The following DHRS7B variants were observed in gnomAD, a reference collection of about 807,000 sequenced individuals.
DHRS7B encodes peroxisomal reductase activating PPAR-gamma.
DHRS7B carries 24 observed loss-of-function variants against 26.4 expected under a neutral mutation model. That is an observed-to-expected ratio of 0.91 (90% CI 0.66 to 1.28). DHRS7B has a LOEUF of 1.28. Among genes scored for constraint, DHRS7B ranks in the 50% most tolerant of loss-of-function variants. The pLI, the probability that DHRS7B is intolerant of heterozygous loss-of-function variation, is 0.00. For missense variants in DHRS7B, 368 were observed against 419.4 expected, an observed-to-expected ratio of 0.88 and a Z score of 1.07; for synonymous variants, 142 against 166.4, an observed-to-expected ratio of 0.85 and a Z score of 1.13.
intron 2 of DHRS7B, among the ~76,000 whole-genome samples, chr17:21,177,265 G>A (rs943237031): frequency 1.3e-5 from 2 of 152,204 alleles, no homozygotes; most frequent in African/African-American, 4.8e-5. Flanking sequence ...GAGCACCCGG[G>A]CAGCCAGCAC....
chr17:21,158,040 A>G (rs1411600505), intron 1 of DHRS7B, among the ~76,000 whole-genome samples: 4 of 152,180 alleles, frequency 2.6e-5, no homozygotes, highest in African/African-American at 9.7e-5. Context: ...GTATTTGACA[A>G]TATCTATCTC....
intron 1 of DHRS7B, among the ~76,000 whole-genome samples, chr17:21,145,385 C>T (rs1973621180): frequency 6.6e-6 from 1 of 151,966 alleles, no homozygotes. Flanking sequence ...GAGTGCTTCT[C>T]AGTAACTCTT....
chr17:21,155,303 T>A (rs560058870), intron 1 of DHRS7B, among the ~76,000 whole-genome samples: 15 of 152,288 alleles, frequency 9.8e-5, no homozygotes, highest in Non-Finnish European at 1.6e-4. Flanking sequence ...TGAAAAAAGA[T>A]CCACCATACT....
chr17:21,163,183 A>G (rs11657187), intron 1 of DHRS7B, among the ~76,000 whole-genome samples: 129,220 of 150,818 alleles, frequency 0.86, 55,505 homozygotes, highest in African/African-American at 0.88. Context: ...GTGACAGAGC[A>G]AGACTGTCTC....
intron 1 of DHRS7B, among the ~76,000 whole-genome samples, chr17:21,163,407 G>A (rs77302689): frequency 0.069 from 10,512 of 152,168 alleles, 456 homozygotes; most frequent in Non-Finnish European, 0.099. Context: ...ATATCAGAAA[G>A]TAAAACTGCT....
At chr17:21,150,744 T>C (rs1333773635) in intron 1 of DHRS7B, among the ~76,000 whole-genome samples, 6 of 152,258 alleles carry the variant, frequency 3.9e-5, no homozygotes, top group African/African-American at 1.4e-4. Flanking sequence ...CACATATTTA[T>C]TATTTTATAG....
chr17:21,170,041 C>A (rs976382296), intron 1 of DHRS7B, among the ~76,000 whole-genome samples: 8 of 152,232 alleles, frequency 5.3e-5, no homozygotes, highest in African/African-American at 1.9e-4. Context: ...CCCAAGCCCC[C>A]ACCCCTCAAC....
intron 1 of DHRS7B, chr17:21,166,504 A>G (rs1954249942): frequency 1.0e-6 from 1 of 983,026 alleles, no homozygotes; most frequent in Non-Finnish European, 1.2e-6. Flanking sequence ...TTCCAGTCGA[A>G]GGCGGCCTTA....
intron 1 of DHRS7B, among the ~76,000 whole-genome samples, chr17:21,165,785 G>A (rs1447597247): frequency 3.3e-5 from 5 of 151,934 alleles, no homozygotes; most frequent in Admixed American, 2.0e-4. Context: ...GTGTGGTGGC[G>A]TGCGCCTGTA....
intron 1 of DHRS7B, among the ~76,000 whole-genome samples, chr17:21,161,147 C>T (rs749490994): frequency 5.9e-5 from 9 of 152,168 alleles, no homozygotes; most frequent in Non-Finnish European, 1.0e-4. Context: ...ATACATTTGT[C>T]CAAACCAAGA....
intron 1 of DHRS7B, among the ~76,000 whole-genome samples, chr17:21,131,686 TC>T (rs1973233613): frequency 6.6e-6 from 1 of 152,238 alleles, no homozygotes; most frequent in Non-Finnish European, 1.5e-5. Flanking sequence ...ATAGAGTTGC[TC>T]TGGTTCAGAT....
At chr17:21,172,289 C>T in intron 2 of DHRS7B, 93 bp downstream of exon 2, 3 of 1,458,410 alleles carry the variant, frequency 2.1e-6, no homozygotes, top group Middle Eastern at 2.3e-4. Context: ...AGCGCAAATG[C>T]CCGAAGCGGC....
chr17:21,178,480 C>A, intron 3 of DHRS7B, 138 bp downstream of exon 3: 1 of 691,446 alleles, frequency 1.4e-6, no homozygotes, highest in Non-Finnish European at 2.4e-6. Context: ...GGCAGCAGGT[C>A]TCCATAGCGA....
intron 3 of DHRS7B, among the ~76,000 whole-genome samples, chr17:21,180,472 G>A (rs1429758676): frequency 2.0e-5 from 3 of 152,088 alleles, no homozygotes; most frequent in Non-Finnish European, 2.9e-5. Context: ...TATTTTGCAC[G>A]TGATTATCTA....
intron 3 of DHRS7B, among the ~76,000 whole-genome samples, chr17:21,179,420 C>T (rs1278684437): frequency 1.3e-5 from 2 of 151,978 alleles, no homozygotes; most frequent in Non-Finnish European, 2.9e-5. Flanking sequence ...GCCAACATGA[C>T]GAAACCCATC....
chr17:21,159,903 T>C (rs1973964560), intron 1 of DHRS7B, among the ~76,000 whole-genome samples: 1 of 144,348 alleles, frequency 6.9e-6, no homozygotes, highest in Admixed American at 6.9e-5. Flanking sequence ...GTCTAAATTA[T>C]ACAAAGAACT....
At chr17:21,141,008 T>C (rs1567617071) in intron 1 of DHRS7B, among the ~76,000 whole-genome samples, 1 of 152,182 alleles carries the variant, frequency 6.6e-6, no homozygotes, top group Non-Finnish European at 1.5e-5. Context: ...CTGAGTCGCT[T>C]CCACCCTTTT....
At chr17:21,178,436 G>A (rs960543293) in intron 3 of DHRS7B, 94 bp downstream of exon 3, 4 of 1,029,954 alleles carry the variant, frequency 3.9e-6, no homozygotes, top group Non-Finnish European at 2.9e-6. Flanking sequence ...CTGCTGAGCT[G>A]TAGGACATCC....
intron 1 of DHRS7B, among the ~76,000 whole-genome samples, chr17:21,151,861 A>T (rs898612038): frequency 2.0e-5 from 3 of 152,176 alleles, no homozygotes; most frequent in Non-Finnish European, 4.4e-5. Context: ...AGGTGATTGG[A>T]TCATGAGGAA....
Sources: allele counts gnomAD v4.1 joint callset (sites outside exome capture counted in the v4.1 genomes callset), GRCh38; gene constraint gnomAD v4.1.1; transcripts MANE v1.5; gene names NCBI Gene and HGNC (gene_info 2026-07-23, HGNC 2026-07-21).